SSR2: variants seen among roughly 807,000 people sequenced by gnomAD.
SSR2 encodes the protein signal sequence receptor subunit 2, also known as translocon-associated protein subunit beta.
SSR2 carries 16 observed loss-of-function variants against 22.6 expected under a neutral mutation model. That is an observed-to-expected ratio of 0.71 (90% CI 0.48 to 1.08). SSR2 has a LOEUF of 1.08. SSR2 is among the 50% of genes least tolerant of loss of function. The probability of loss-of-function intolerance (pLI) is 0.00; values close to 1 mark genes in which losing one functional copy is unlikely to be tolerated. For synonymous variants in SSR2, 83 were observed against 91.2 expected (o/e 0.91, Z 0.51); for missense variants, 171 against 221.6 (o/e 0.77, Z 1.45).
Position 156,011,842 on chromosome 1 carries a change from G to T in SSR2, c.409C>A (p.Arg137=). 1 of 1,613,926 alleles carries T rather than the reference G, an allele frequency of 6.2e-7. No individual in the cohort carries two copies. The highest frequency in any genetic ancestry group is 1.7e-5 in the Admixed American group (1 of 60,006). The change falls in exon 5 of 6, where the codon CGG becomes AGG. Residue 137 remains arginine (R), a synonymous_variant. Coordinates refer to ENST00000295702, the MANE Select transcript of SSR2 (RefSeq NM_003145.4). ...APGQGGILAQ[R]EFDRRFSPHF... Reference sequence around the variant, plus strand: ...GGGGAGAATCGCCTGTCAAACTCCCGCTGAGCCAGGATTCCTCCCTGTCCA... The same window carrying T: ...GGGGAGAATCGCCTGTCAAACTCCCTCTGAGCCAGGATTCCTCCCTGTCCA...
At chr1:156,017,310 T>C (rs1201728152) in intron 3 of SSR2, among the ~76,000 whole-genome samples, 4 of 152,208 alleles carry the variant, frequency 2.6e-5, no homozygotes. Context: ...ATAAGAGACT[T>C]TAAAAGGTCA....
Position 156,009,445 on chromosome 1 carries a change from T to G in SSR2, c.*95A>C. ...GGCCAAGGGCTAAGAGAGAAGAGAT[T>G]GCATTTAAGATACCCTTTGGAGTCT... On this transcript the variant is annotated 3_prime_UTR_variant, in exon 6 of 6. Transcript: ENST00000295702. 1 of 952,870 alleles carries G rather than the reference T, an allele frequency of 1.0e-6. No homozygotes were observed. The highest frequency in any genetic ancestry group is 2.0e-5 in the Admixed American group (1 of 50,410). The allele number at this position is 952,870 out of a possible 1,614,324, so 59.0% of individuals were successfully genotyped here. A position where few individuals can be genotyped will look rare whatever the true frequency, so the allele number is the denominator to read the frequency against.
At chr1:156,019,260 T>C (rs1187142552) in intron 2 of SSR2, 1 of 454,088 alleles carries the variant, frequency 2.2e-6, no homozygotes, top group Admixed American at 2.4e-5. Flanking sequence ...TTTCTTCATG[T>C]ACATGCCTAT....
rs1683043847 is a variant in SSR2, at chr1:156,015,579, T to C, written c.255-510A>G. Among the ~76,000 whole-genome samples, 2 of 137,886 alleles carry C rather than the reference T, an allele frequency of 1.5e-5. 1 individual carries two copies. The highest frequency in any genetic ancestry group is 5.4e-5 in the African/African-American group (2 of 37,150). The allele number at this position is 137,886 out of a possible 152,430, so 90.5% of individuals were successfully genotyped here. Reference sequence around the variant, plus strand: ...ATATAGGCTTCTTTTTAAAATTTACTGATTTTTTTAAATATTAAAAAAAAA... The same window carrying C: ...ATATAGGCTTCTTTTTAAAATTTACCGATTTTTTTAAATATTAAAAAAAAA... On this transcript the variant is annotated intron_variant, in intron 3 of 5. Transcript: ENST00000295702.
In SSR2 at chr1:156,020,329, T is replaced by C. The variant is rs1315337211; in HGVS notation, c.1-162A>G. ...ACCAGAGCAGACCCGTTCTCCAGACTCTCCTACCATCTTCACCCTGCAGCC... is the reference window on the plus strand; with the variant it reads ...ACCAGAGCAGACCCGTTCTCCAGACCCTCCTACCATCTTCACCCTGCAGCC... On this transcript the variant is annotated intron_variant, in intron 1 of 5. Transcript: ENST00000295702. The C allele has an allele frequency of 6.2e-6, 4 of 644,832 alleles. No individual in the cohort carries two copies. The East Asian group carries it at 1.1e-4, about 18-fold the overall frequency. 39.9% of individuals were successfully genotyped at this position (644,832 alleles called of 1,614,324 possible).
At position 156,009,315 on chromosome 1, in the gene SSR2, G is replaced by A. The variant is rs1682948465; in HGVS notation, c.*225C>T. The A allele has an allele frequency of 2.1e-6, 1 of 482,948 alleles. No individual in the cohort carries two copies. The highest frequency in any genetic ancestry group is 4.3e-5 in the Admixed American group (1 of 23,432). The allele number at this position is 482,948 out of a possible 1,614,324, so 29.9% of individuals were successfully genotyped here. On this transcript the variant is annotated 3_prime_UTR_variant, in exon 6 of 6. Coordinates refer to ENST00000295702, the MANE Select transcript of SSR2 (RefSeq NM_003145.4). ...CTCTAGGCTCAAGGCTATTGCCAAAGGCATTCCTGTTTATGGCTTCACGAT... is the reference window on the plus strand; with the variant it reads ...CTCTAGGCTCAAGGCTATTGCCAAAAGCATTCCTGTTTATGGCTTCACGAT...
intron 2 of SSR2, 32 bp downstream of exon 2, chr1:156,019,981 G>A (rs376141987): frequency 1.2e-6 from 2 of 1,600,168 alleles, no homozygotes; most frequent in Non-Finnish European, 1.7e-6. Context: ...CCAGAAATAG[G>A]CTTAATCTGT....
At chr1:156,014,714 G>C in intron 4 of SSR2, 1 of 293,844 alleles carries the variant, frequency 3.4e-6, no homozygotes, top group Admixed American at 4.6e-5. Context: ...GCTAATTTTT[G>C]TATTTGTAGT....
chr1:156,019,939 ATGC>A, intron 2 of SSR2, 71 bp downstream of exon 2: 1 of 1,522,398 alleles, frequency 6.6e-7, no homozygotes, highest in South Asian at 1.2e-5. Context: ...ACCCACCAAT[ATGC>A]TCCCTATTCC....
chr1:156,018,242 C>T (rs201268089), intron 3 of SSR2, 28 bp downstream of exon 3: 2 of 1,584,842 alleles, frequency 1.3e-6, no homozygotes, highest in South Asian at 2.2e-5. Flanking sequence ...GCCCCCCGAC[C>T]CTTCATCACC....
At chr1:156,010,949 T>G (rs1250406619) in intron 5 of SSR2, 3 of 151,630 alleles carry the variant, frequency 2.0e-5, no homozygotes, top group African/African-American at 7.3e-5. Context: ...GCATATAACC[T>G]CTATCACAGC....
chr1:156,015,535 A>ATAT (rs1156635137), intron 3 of SSR2, among the ~76,000 whole-genome samples: 6 of 46,768 alleles, frequency 1.3e-4, no homozygotes, highest in East Asian at 6.7e-4. Flanking sequence ...AAAAAAAAAA[A>ATAT]ATATATATAT....
chr1:156,009,331 G>A lies in SSR2; in HGVS notation c.*209C>T. On this transcript the variant is annotated 3_prime_UTR_variant, in exon 6 of 6. Coordinates refer to ENST00000295702, the MANE Select transcript of SSR2 (RefSeq NM_003145.4). ...ATTGCCAAAGGCATTCCTGTTTATG[G>A]CTTCACGATGGAACCAAGGAGGCTC... 1.9e-6 allele frequency: 1 copy of A among 515,816 alleles called. No individual in the cohort carries two copies. Among genetic ancestry groups the A allele is most frequent in the African/African-American group, 2.0e-5 (1 of 50,030 alleles). The allele number at this position is 515,816 out of a possible 1,614,324, so 32.0% of individuals were successfully genotyped here.
In SSR2 at chr1:156,014,962, A is replaced by G. The variant is rs1683029649; in HGVS notation, c.362T>C (p.Val121Ala). ...TYLAQEDGPVVIGSTSAPGQG... is the reference protein window; with the variant it reads ...TYLAQEDGPVAIGSTSAPGQG... Reference sequence around the variant, plus strand: ...CAGCTAAGGGTTTGGGCAACTCACCACAACGGGCCCATCCTCCTGGGCCAG... The same window carrying G: ...CAGCTAAGGGTTTGGGCAACTCACCGCAACGGGCCCATCCTCCTGGGCCAG... Residue 121 changes from valine (V) to alanine (A), a missense_variant and splice_region_variant, in exon 4 of 6, where the codon GTG becomes GCG. Transcript: ENST00000295702. 3 of 1,613,176 alleles carry G rather than the reference A, an allele frequency of 1.9e-6. No homozygotes were observed. Among genetic ancestry groups the G allele is most frequent in the African/African-American group, 2.7e-5 (2 of 74,904 alleles).
rs1682982027 is a variant in SSR2, at chr1:156,011,827, G to A, written c.424C>T (p.Arg142Ter). ...AAGCTTACAAAATGAGGGGAGAATC[G>A]CCTGTCAAACTCCCGCTGAGCCAGG... The part of the protein sequence containing the change: ...GILAQREFDR[R>*]FSPHFLDWAA... Residue 142 changes from arginine to a stop codon, truncating the protein, a stop_gained, in exon 5 of 6, where the codon CGA becomes TGA. Coordinates refer to ENST00000295702, the MANE Select transcript of SSR2 (RefSeq NM_003145.4). LOFTEE classifies it high-confidence loss of function. 6.2e-7 allele frequency: 1 copy of A among 1,613,628 alleles called. No individual in the cohort carries two copies. The highest frequency in any genetic ancestry group is 8.5e-7 in the Non-Finnish European group (1 of 1,179,678).
intron 3 of SSR2, among the ~76,000 whole-genome samples, chr1:156,015,323 C>T (rs922918783): frequency 1.3e-5 from 2 of 150,874 alleles, no homozygotes; most frequent in Admixed American, 6.6e-5. Context: ...CTGGGCAACA[C>T]GGTGAAACCC....
At chr1:156,020,717 G>A (rs1218775718) in intron 1 of SSR2, 171 bp downstream of exon 1, 1 of 345,596 alleles carries the variant, frequency 2.9e-6, no homozygotes, top group Non-Finnish European at 5.9e-6. Context: ...GGGGGGCGGG[G>A]GTCAATCACC....
rs767559812 is a variant in SSR2 at position 156,020,069 on chromosome 1, G to A, written c.99C>T (p.Tyr33=). ...AGGTCAGGTCTCGTCCCTCCACGGC[G>A]TATCTGTTCAGCAGTGATTTGGAAG... The part of the protein sequence containing the change: ...LLASKSLLNR[Y]AVEGRDLTLQ... The change falls in exon 2 of 6, where the codon TAC becomes TAT. Residue 33 remains tyrosine (Y), a synonymous_variant. Transcript: ENST00000295702. 7.4e-6 allele frequency: 12 copies of A among 1,613,972 alleles called. No individual in the cohort carries two copies. Among genetic ancestry groups the A allele is most frequent in the South Asian group, 6.6e-5 (6 of 91,088 alleles).
At chr1:156,016,167 A>G (rs1379784645) in intron 3 of SSR2, among the ~76,000 whole-genome samples, 3 of 152,046 alleles carry the variant, frequency 2.0e-5, no homozygotes, top group African/African-American at 7.2e-5. Flanking sequence ...AAAAAATTAC[A>G]GTCATTCAAT....
Sources: gnomAD v4.1 joint callset for allele counts (sites outside exome capture counted in the v4.1 genomes callset) on GRCh38, gnomAD v4.1.1 for gene constraint, MANE v1.5 for transcripts, NCBI Gene and HGNC (gene_info 2026-07-23, HGNC 2026-07-21) for gene names.